The following GART variants were observed in gnomAD, a reference collection of about 807,000 sequenced individuals.
The protein encoded by GART is phosphoribosylglycinamide formyltransferase, phosphoribosylglycinamide synthetase, phosphoribosylaminoimidazole synthetase, also known as trifunctional purine biosynthetic protein adenosine-3.
A neutral mutation model predicts 107.2 loss-of-function variants in GART; 43 were observed. That is an observed-to-expected ratio of 0.40 (90% CI 0.31 to 0.52). The LOEUF (loss-of-function observed/expected upper bound fraction) is 0.52, where lower values mean the gene tolerates loss of function less well. GART is among the 20% of genes least tolerant of loss of function. The probability of loss-of-function intolerance (pLI) is 0.52; values close to 1 mark genes in which losing one functional copy is unlikely to be tolerated. For synonymous variants in GART, 434 were observed against 427.0 expected, an observed-to-expected ratio of 1.02 and a Z score of -0.20; for missense variants, 1,107 against 1,206.5, an observed-to-expected ratio of 0.92 and a Z score of 1.22.
At chr21:33,539,416 G>A in intron 1 of GART, 60 bp from the exon 2 acceptor site, 3 of 1,324,830 alleles carry the variant, frequency 2.3e-6, no homozygotes, top group Non-Finnish European at 1.0e-6. Flanking sequence ...CCCAGGGACG[G>A]GCACAGTGGC....
At chr21:33,520,306 T>A (rs539087105) in intron 14 of GART, 58 bp downstream of exon 14, 1 of 1,503,780 alleles carries the variant, frequency 6.6e-7, no homozygotes, top group African/African-American at 1.4e-5. Flanking sequence ...CATTTTTACA[T>A]AGGGCTAAAA....
Position 33,505,993 on chromosome 21 carries a change from CT to C in GART, c.2563del (p.Arg855GlufsTer8). On this transcript the variant is annotated frameshift_variant, in exon 19 of 22. Transcript: ENST00000381815. LOFTEE classifies it high-confidence loss of function. ...ACTTACTCTAGTGGGAATACCAGCTCTTTCCGCTTTATCTAACCCAGCTACT... is the reference window on the plus strand; with the variant it reads ...ACTTACTCTAGTGGGAATACCAGCTCTTCCGCTTTATCTAACCCAGCTACT... Reference protein sequence around the residue: ...AAVAGLDKAERAGIPTRVINH... With the variant: ...AAVAGLDKAEXAGIPTRVINH... 6.2e-7 allele frequency: 1 copy of C among 1,614,160 alleles called. No individual in the cohort carries two copies. The highest frequency in any genetic ancestry group is 8.5e-7 in the Non-Finnish European group (1 of 1,180,034).
chr21:33,513,137 G>T (rs902282310), intron 16 of GART, among the ~76,000 whole-genome samples: 4 of 123,960 alleles, frequency 3.2e-5, no homozygotes, highest in Non-Finnish European at 7.0e-5. Context: ...GTGTGTGTGT[G>T]TATTTTTAGT....
At chr21:33,524,209 A>C in intron 11 of GART, 1 of 985,502 alleles carries the variant, frequency 1.0e-6, no homozygotes, top group Non-Finnish European at 1.2e-6. Flanking sequence ...TGATAAAACC[A>C]TGAACTATGT....
intron 18 of GART, among the ~76,000 whole-genome samples, chr21:33,506,568 CTAAAG>C (rs1013330490): frequency 2.0e-4 from 31 of 152,222 alleles, no homozygotes; most frequent in African/African-American, 7.5e-4. Context: ...GCACAGGCAA[CTAAAG>C]TAAATATGGA....
Position 33,539,307 on chromosome 21 carries a change from G to A in GART, c.9C>T (p.Ala3=). MA[A]RVLIIGSGGR... is the part of the protein sequence containing the mutation. ...CTCCACTGCCAATTATAAGTACTCGGGCTGCCATTGTTCTGTCTGTAAAGC... is the reference window on the plus strand; with the variant it reads ...CTCCACTGCCAATTATAAGTACTCGAGCTGCCATTGTTCTGTCTGTAAAGC... Residue 3 remains alanine (A), a synonymous_variant, in exon 2 of 22, where the codon GCC becomes GCT. Coordinates refer to ENST00000381815, the MANE Select transcript of GART (RefSeq NM_000819.5). The A allele has an allele frequency of 1.2e-6, 2 of 1,612,014 alleles. No individual in the cohort carries two copies. The highest frequency in any genetic ancestry group is 1.7e-6 in the Non-Finnish European group (2 of 1,179,392).
intron 13 of GART, 162 bp from the exon 14 acceptor site, chr21:33,520,724 C>T (rs2084957951): frequency 4.3e-6 from 3 of 703,946 alleles, no homozygotes; most frequent in Non-Finnish European, 7.0e-6. Flanking sequence ...AGTACCCTTC[C>T]ATCCAAATAT....
intron 16 of GART, among the ~76,000 whole-genome samples, chr21:33,513,438 C>T (rs1041388496): frequency 2.0e-5 from 3 of 152,006 alleles, no homozygotes; most frequent in Non-Finnish European, 2.9e-5. Flanking sequence ...GGCGTGGAGA[C>T]GCACATCTGT....
intron 4 of GART, 148 bp downstream of exon 4, chr21:33,534,431 G>T: frequency 1.4e-6 from 1 of 710,566 alleles, no homozygotes; most frequent in Non-Finnish European, 2.3e-6. Context: ...TACCCAGGCT[G>T]GTCTCTAACT....
At chr21:33,535,474 A>G (rs1445424719) in intron 2 of GART, among the ~76,000 whole-genome samples, 154 bp from the exon 3 acceptor site, 1 of 152,212 alleles carries the variant, frequency 6.6e-6, no homozygotes, top group East Asian at 1.9e-4. Context: ...CAGTTTCAAC[A>G]TGTGAAATTC....
At chr21:33,517,328 C>A (rs557676685) in intron 15 of GART, 29 bp downstream of exon 15, 9 of 1,612,774 alleles carry the variant, frequency 5.6e-6, no homozygotes, top group Admixed American at 3.3e-5. Context: ...CATTTCCAAG[C>A]AGGACAGTTT....
chr21:33,532,547 C>A (rs1320103004), intron 4 of GART, 91 bp from the exon 5 acceptor site: 20 of 902,382 alleles, frequency 2.2e-5, no homozygotes, highest in Admixed American at 8.5e-5. Flanking sequence ...TATGCTATAG[C>A]AATGACTGAA....
chr21:33,519,380 C>T (rs1474483935), intron 14 of GART, among the ~76,000 whole-genome samples: 1 of 152,002 alleles, frequency 6.6e-6, no homozygotes, highest in Non-Finnish European at 1.5e-5. Context: ...GGTGAAACCC[C>T]ATCTCTACTG....
upstream of GART, chr21:33,542,853 G>A: frequency 1.7e-6 from 1 of 576,494 alleles, no homozygotes; most frequent in East Asian, 2.9e-5. Flanking sequence ...ACACTAACAT[G>A]GCGGACATAG....
At chr21:33,540,691 A>G (rs1025374132) in intron 1 of GART, among the ~76,000 whole-genome samples, 4 of 152,248 alleles carry the variant, frequency 2.6e-5, no homozygotes, top group Admixed American at 2.6e-4. Context: ...ACATTTACTT[A>G]CCACAAGACA....
chr21:33,542,438 G>A (rs1294884129), upstream of GART: 1 of 152,570 alleles, frequency 6.6e-6, no homozygotes, highest in African/African-American at 2.4e-5. Flanking sequence ...AAAATCTCGT[G>A]ACACGCCTGA....
At chr21:33,513,331 G>A (rs1373730308) in intron 16 of GART, among the ~76,000 whole-genome samples, 6 of 152,038 alleles carry the variant, frequency 3.9e-5, no homozygotes, top group Admixed American at 6.6e-5. Context: ...CAGCACTTTA[G>A]GAGGCCGAGG....
intron 1 of GART, among the ~76,000 whole-genome samples, chr21:33,540,126 C>G (rs141529301): frequency 6.6e-6 from 1 of 152,286 alleles, no homozygotes; most frequent in Non-Finnish European, 1.5e-5. Flanking sequence ...ATAGTTCTGT[C>G]AAAACTACTC....
At chr21:33,540,600 G>A (rs114234032) in intron 1 of GART, among the ~76,000 whole-genome samples, 1 of 152,190 alleles carries the variant, frequency 6.6e-6, no homozygotes, top group East Asian at 1.9e-4. Context: ...TACAACAGCA[G>A]TGTAACCTAG....
Sources: gnomAD v4.1 joint callset for allele counts (sites outside exome capture counted in the v4.1 genomes callset) on GRCh38, gnomAD v4.1.1 for gene constraint, MANE v1.5 for transcripts, NCBI Gene and HGNC (gene_info 2026-07-23, HGNC 2026-07-21) for gene names.